Variants in ZNF592 observed in about 807,000 individuals in gnomAD.
The protein encoded by ZNF592 is zinc finger protein 592.
A neutral mutation model predicts 80.3 loss-of-function variants in ZNF592; 11 were observed. That is an observed-to-expected ratio of 0.14 (90% CI 0.09 to 0.23). The LOEUF is 0.23. Among genes scored for constraint, ZNF592 ranks in the 10% least tolerant of loss-of-function variants. ZNF592 has a pLI of 1.00. For synonymous variants in ZNF592, 646 were observed against 640.3 expected (o/e 1.01, Z -0.13); for missense variants, 1,420 against 1,633.9 (o/e 0.87, Z 2.26).
Position 84,798,606 on chromosome 15 carries a change from C to G in ZNF592, c.2755C>G (p.Arg919Gly), listed in dbSNP as rs144143137. The change falls in exon 8 of 11, where the codon CGA becomes GGA. Residue 919 changes from arginine to glycine, a missense_variant. Arg to Gly is a moderately radical substitution (Grantham distance 125, BLOSUM62 -2). Transcript: ENST00000560079. This position sits in a 1 kb window ranked among gnomAD's most constrained non-coding sequence, Gnocchi z 4.5. Reference sequence around the variant, plus strand: ...TCCCCAGAGCACCCACGGTGTTCCCCGAAATGTGGACGAGCTGTCAAGCCT... The same window carrying G: ...TCCCCAGAGCACCCACGGTGTTCCCGGAAATGTGGACGAGCTGTCAAGCCT... ...QHVKSTHGVPRNVDELSSLQS... is the reference protein window; with the variant it reads ...QHVKSTHGVPGNVDELSSLQS... The G allele has an allele frequency of 1.2e-5, 19 of 1,613,980 alleles. No individual in the cohort carries two copies. In the African/African-American group the frequency reaches 2.5e-4, roughly 22 times the overall value.
rs1205616818 is a variant in ZNF592, at chr15:84,784,359, T to A, written c.1684T>A (p.Ser562Thr). Residue 562 changes from serine to threonine, a missense_variant, in exon 4 of 11, where the codon TCC (serine) becomes ACC (threonine). Around this residue, in one of 7 missense-constraint regions of ZNF592, gnomAD observed 524 missense variants for 628.3 expected, o/e 0.83. Transcript: ENST00000560079. The surrounding 1 kb of genome is among the most constrained non-coding windows in gnomAD (Gnocchi z 5.8). ...GGTCTTCAACAAGGTCCTTCACAGC[T>A]CCAACCCCGTGCCCCTCTATGCGCC... Reference protein sequence around the residue: ...VEVFNKVLHSSNPVPLYAPNL... With the variant: ...VEVFNKVLHSTNPVPLYAPNL... 1 of 1,614,122 alleles carries A rather than the reference T, an allele frequency of 6.2e-7. No homozygotes were observed. Among genetic ancestry groups the A allele is most frequent in the African/African-American group, 1.3e-5 (1 of 75,032 alleles).
In ZNF592 at chr15:84,806,265, G is replaced by A. The variant is rs1460387016; in HGVS notation, c.*3872G>A. 1 of 152,212 alleles carries A rather than the reference G, an allele frequency of 6.6e-6. No individual in the cohort carries two copies. The highest frequency in any genetic ancestry group is 2.4e-5 in the African/African-American group (1 of 41,448). 9.4% of individuals were successfully genotyped at this position (152,212 alleles called of 1,614,324 possible). On this transcript the variant is annotated 3_prime_UTR_variant, in exon 11 of 11. Transcript: ENST00000560079. Reference sequence around the variant, plus strand: ...ACCTTCTCCAACAGATGCCACCGGAGCCTTAGGAACTGGGCACAGGAAGCC... The same window carrying A: ...ACCTTCTCCAACAGATGCCACCGGAACCTTAGGAACTGGGCACAGGAAGCC...
intron 5 of ZNF592, among the ~76,000 whole-genome samples, chr15:84,794,832 T>C (rs913333445): frequency 2.6e-5 from 4 of 152,178 alleles, no homozygotes; most frequent in Non-Finnish European, 4.4e-5. Context: ...CACTTCTGAA[T>C]TGGGTTATTT....
chr15:84,790,857 G>A lies in ZNF592; in HGVS notation c.2373G>A (p.Leu791=). 1 of 1,614,216 alleles carries A rather than the reference G, an allele frequency of 6.2e-7. No individual in the cohort carries two copies. The highest frequency in any genetic ancestry group is 1.7e-5 in the Admixed American group (1 of 60,024). ...YFQTHVKENC[L]HYARKVGYRC... ...AGACCCATGTAAAGGAGAATTGCCT[G>A]CACTATGCCCGCAAGGTGGGCTACA... is the stretch of plus-strand genomic sequence containing the variant. Residue 791 remains leucine (L), a synonymous_variant, in exon 5 of 11, where the codon CTG becomes CTA. Coordinates refer to ENST00000560079, the MANE Select transcript of ZNF592 (RefSeq NM_014630.3).
chr15:84,765,939 T>C (rs546986349), intron 2 of ZNF592, among the ~76,000 whole-genome samples: 77 of 151,600 alleles, frequency 5.1e-4, no homozygotes, highest in Admixed American at 2.2e-3. Context: ...TGTACACATA[T>C]AGAAAAAAAA....
In ZNF592 at chr15:84,806,216, A is replaced by G. The variant is rs1963230042; in HGVS notation, c.*3823A>G. On this transcript the variant is annotated 3_prime_UTR_variant, in exon 11 of 11. Coordinates refer to ENST00000560079, the MANE Select transcript of ZNF592 (RefSeq NM_014630.3). The stretch of plus-strand genomic sequence containing the variant: ...CTAGATTCTAGAATGTGTCCTCCTG[A>G]CTAAGGGGTTCAGGATACTGTTCAC... 1 of 152,190 alleles carries G rather than the reference A, an allele frequency of 6.6e-6. No individual in the cohort carries two copies. Among genetic ancestry groups the G allele is most frequent in the Non-Finnish European group, 1.5e-5 (1 of 68,038 alleles). The allele number at this position is 152,190 out of a possible 1,614,324, so 9.4% of individuals were successfully genotyped here.
rs745702820 is a variant in ZNF592, at chr15:84,802,395, C to G, written c.*2C>G. On this transcript the variant is annotated 3_prime_UTR_variant, in exon 11 of 11. Coordinates refer to ENST00000560079, the MANE Select transcript of ZNF592 (RefSeq NM_014630.3). Reference sequence around the variant, plus strand: ...CACACACTGTCCCCTCAGGTGTGACCGGAGACTTTGCAGTGTGCATGGTCA... The same window carrying G: ...CACACACTGTCCCCTCAGGTGTGACGGGAGACTTTGCAGTGTGCATGGTCA... 6.2e-7 allele frequency: 1 copy of G among 1,613,280 alleles called. No homozygotes were observed. Among genetic ancestry groups the G allele is most frequent in the Admixed American group, 1.7e-5 (1 of 60,010 alleles).
chr15:84,804,117 G>C lies in ZNF592; in HGVS notation c.*1724G>C, dbSNP rs951760777. 6.6e-6 allele frequency: 1 copy of C among 152,240 alleles called. No homozygotes were observed. Among genetic ancestry groups the C allele is most frequent in the African/African-American group, 2.4e-5 (1 of 41,460 alleles). 9.4% of individuals were successfully genotyped at this position (152,240 alleles called of 1,614,324 possible). A position where few individuals can be genotyped will look rare whatever the true frequency, so the allele number is the denominator to read the frequency against. ...CCTCACTTTCAGAGAGACTCTCGCT[G>C]TCTGCACCCTTTTAATAATTGCTCT... On this transcript the variant is annotated 3_prime_UTR_variant, in exon 11 of 11. Coordinates refer to ENST00000560079, the MANE Select transcript of ZNF592 (RefSeq NM_014630.3).
intron 2 of ZNF592, among the ~76,000 whole-genome samples, chr15:84,777,955 C>T (rs2141980714): frequency 6.6e-6 from 1 of 152,226 alleles, no homozygotes; most frequent in South Asian, 2.1e-4. Context: ...GCCTCGGCCT[C>T]CCAAAGTGCT....
chr15:84,749,462 T>A (rs1445516945), intron 1 of ZNF592, among the ~76,000 whole-genome samples: 1 of 152,306 alleles, frequency 6.6e-6, no homozygotes, highest in African/African-American at 2.4e-5. Flanking sequence ...TGTTTAGGGA[T>A]TTTAAACCAT....
Position 84,802,484 on chromosome 15 carries a change from C to T in ZNF592, c.*91C>T, listed in dbSNP as rs1342222788. The T allele has an allele frequency of 2.0e-6, 3 of 1,467,042 alleles. No homozygotes were observed. The highest frequency in any genetic ancestry group is 1.9e-6 in the Non-Finnish European group (2 of 1,069,484). 90.9% of individuals were successfully genotyped at this position (1,467,042 alleles called of 1,614,324 possible). ...CGTGGAAAATAAAAGGCTCTGCCCC[C>T]AGTGTGAGTGTGACCGGTTGTACCC... On this transcript the variant is annotated 3_prime_UTR_variant, in exon 11 of 11. Transcript: ENST00000560079.
chr15:84,751,725 C>T (rs1329328267), intron 1 of ZNF592, among the ~76,000 whole-genome samples: 2 of 151,516 alleles, frequency 1.3e-5, no homozygotes, highest in African/African-American at 2.4e-5. Flanking sequence ...GCCAACATGG[C>T]GAAACCCTGT....
Position 84,799,986 on chromosome 15 carries a change from G to A in ZNF592, c.3273+9G>A. 6.2e-7 allele frequency: 1 copy of A among 1,614,150 alleles called. No individual in the cohort carries two copies. The highest frequency in any genetic ancestry group is 8.5e-7 in the Non-Finnish European group (1 of 1,180,000). On this transcript the variant is annotated intron_variant, in intron 10 of 10. Transcript: ENST00000560079. The surrounding 1 kb of genome is among the most constrained non-coding windows in gnomAD (Gnocchi z 4.2). The stretch of plus-strand genomic sequence containing the variant: ...GTGGACATTCCCCTCAGGTGAGTGT[G>A]GGCTCCCTGCCTATTGGAGCTGGCT...
At chr15:84,800,130 G>A (rs777546587) in intron 10 of ZNF592, among the ~76,000 whole-genome samples, 153 bp downstream of exon 10, 3 of 152,172 alleles carry the variant, frequency 2.0e-5, no homozygotes, top group Non-Finnish European at 4.4e-5. Context: ...GACCCGCCTG[G>A]CACTGGACAC....
intron 5 of ZNF592, among the ~76,000 whole-genome samples, chr15:84,793,537 T>G (rs1161790321): frequency 1.3e-5 from 2 of 152,258 alleles, no homozygotes; most frequent in African/African-American, 4.8e-5. Flanking sequence ...CGAAAGGGAT[T>G]ACTGAAGATA....
intron 2 of ZNF592, among the ~76,000 whole-genome samples, chr15:84,770,782 G>T (rs956829916): frequency 6.6e-6 from 1 of 152,098 alleles, no homozygotes; most frequent in African/African-American, 2.4e-5. Flanking sequence ...GTATTTTTAA[G>T]TCATTCCCCA....
chr15:84,788,494 A>G (rs1325559521), intron 4 of ZNF592, among the ~76,000 whole-genome samples: 2 of 152,180 alleles, frequency 1.3e-5, no homozygotes, highest in African/African-American at 4.8e-5. Flanking sequence ...CAGTTCTCAG[A>G]GTTGTGAGTT....
chr15:84,752,069 T>G (rs1899030940), intron 1 of ZNF592, among the ~76,000 whole-genome samples: 1 of 152,198 alleles, frequency 6.6e-6, no homozygotes, highest in Non-Finnish European at 1.5e-5. Context: ...CCTTTGGTTT[T>G]ATTATTTAAA....
chr15:84,798,789 A>G lies in ZNF592; in HGVS notation c.2938A>G (p.Asn980Asp). Residue 980 changes from asparagine (N) to aspartate (D), a missense_variant, in exon 8 of 11, where the codon AAC (asparagine) becomes GAC (aspartate). Coordinates refer to ENST00000560079, the MANE Select transcript of ZNF592 (RefSeq NM_014630.3). The surrounding 1 kb of genome is among the most constrained non-coding windows in gnomAD (Gnocchi z 4.5). ...RRVEARPRLR[N>D]TGWTCQECQE... ...GGTGGAAGCCAGGCCGCGGCTGAGG[A>G]ACACTGGCTGGACCTGCCAGGAGTG... 1 of 1,603,176 alleles carries G rather than the reference A, an allele frequency of 6.2e-7. No homozygotes were observed. The highest frequency in any genetic ancestry group is 8.5e-7 in the Non-Finnish European group (1 of 1,179,674).
Sources: gnomAD v4.1 joint callset for allele counts (sites outside exome capture counted in the v4.1 genomes callset) on GRCh38, gnomAD v4.1.1 for gene constraint, gnomAD v4.1.1 regional missense constraint, Gnocchi (gnomAD v3.1) non-coding constraint, MANE v1.5 for transcripts, NCBI Gene and HGNC (gene_info 2026-07-23, HGNC 2026-07-21) for gene names.